NEU4: variants seen among roughly 807,000 people sequenced by gnomAD.
The protein encoded by NEU4 is neuraminidase 4, also known as sialidase-4.
NEU4 carries 7 observed loss-of-function variants against 9.9 expected under a neutral mutation model. The ratio of observed to expected loss-of-function variants is 0.71; its 90% confidence interval spans 0.40 to 1.33. NEU4 has a LOEUF of 1.33. NEU4 is among the 40% of genes most tolerant of loss of function. NEU4 has a pLI of 0.01. For synonymous variants in NEU4, 348 were observed against 316.9 expected, an observed-to-expected ratio of 1.10 and a Z score of -1.04; for missense variants, 717 against 712.6, an observed-to-expected ratio of 1.01 and a Z score of -0.07.
chr2:241,811,551 T>C, intron 1 of NEU4: 1 of 1,191,772 alleles, frequency 8.4e-7, no homozygotes, highest in Non-Finnish European at 1.1e-6. Context: ...TCTGTCCAGC[T>C]GGCCGCCCCC....
At position 241,816,506 on chromosome 2, in the gene NEU4, C is replaced by A; in HGVS notation, c.913C>A (p.Gln305Lys). The change falls in exon 4 of 4, where the codon CAG (glutamine) becomes AAG (lysine). Residue 305 changes from glutamine to lysine, a missense_variant. Coordinates refer to ENST00000407683, the MANE Select transcript of NEU4 (RefSeq NM_001167600.3). ...GTCAGTGGGCCCCGGGAGTCCCCTC[C>A]AGCCTCCACTCCTCGGTCCTGGAGT... is the stretch of plus-strand genomic sequence containing the variant. ...SWSVGPGSPLQPPLLGPGVHE... is the reference protein window; with the variant it reads ...SWSVGPGSPLKPPLLGPGVHE... 1 of 1,610,802 alleles carries A rather than the reference C, an allele frequency of 6.2e-7. No homozygotes were observed. Among genetic ancestry groups the A allele is most frequent in the Non-Finnish European group, 8.5e-7 (1 of 1,179,420 alleles).
At chr2:241,813,035 G>A (rs1035387040) in intron 1 of NEU4, among the ~76,000 whole-genome samples, 5 of 152,216 alleles carry the variant, frequency 3.3e-5, no homozygotes, top group African/African-American at 7.2e-5. Flanking sequence ...CAGAAGCCGC[G>A]CACTGGTGGT....
At position 241,816,989 on chromosome 2, in the gene NEU4, G is replaced by A. The variant is rs144038379; in HGVS notation, c.1396G>A (p.Ala466Thr). The change falls in exon 4 of 4, where the codon GCC becomes ACC. Residue 466 changes from alanine (A) to threonine (T), a missense_variant. Physicochemically the swap from Ala to Thr is moderately conservative, Grantham distance 58. Coordinates refer to ENST00000407683, the MANE Select transcript of NEU4 (RefSeq NM_001167600.3). ...SLREVLENVP[A>T]SPKPPNLGDK... ...GCGTGAGGTCCTGGAGAACGTGCCC[G>A]CCAGCCCCAAACCGCCCAACCTTGG... 55 of 1,610,008 alleles carry A rather than the reference G, an allele frequency of 3.4e-5. No individual in the cohort carries two copies. In the East Asian group the frequency reaches 4.2e-4, roughly 12 times the overall value.
At chr2:241,811,401 T>C in intron 1 of NEU4, 1 of 1,533,490 alleles carries the variant, frequency 6.5e-7, no homozygotes, top group East Asian at 2.5e-5. Context: ...CCCTTGTCTC[T>C]GCTCTGGGTC....
Position 241,814,584 on chromosome 2 carries a change from C to A in NEU4, c.100C>A (p.Pro34Thr). ...VPSLLPVPPGPTLLAFVEQRL... is the reference protein window; with the variant it reads ...VPSLLPVPPGTTLLAFVEQRL... Reference sequence around the variant, plus strand: ...CTCGCTGCTCCCCGTGCCCCCCGGGCCCACCCTGCTGGCCTTTGTGGAGCA... The same window carrying A: ...CTCGCTGCTCCCCGTGCCCCCCGGGACCACCCTGCTGGCCTTTGTGGAGCA... The change falls in exon 2 of 4, where the codon CCC (proline) becomes ACC (threonine). Residue 34 changes from proline to threonine, a missense_variant. Physicochemically the swap from Pro to Thr is conservative, Grantham distance 38. Coordinates refer to ENST00000407683, the MANE Select transcript of NEU4 (RefSeq NM_001167600.3). 6.2e-7 allele frequency: 1 copy of A among 1,612,130 alleles called. No individual in the cohort carries two copies. Among genetic ancestry groups the A allele is most frequent in the Non-Finnish European group, 8.5e-7 (1 of 1,179,724 alleles).
Position 241,814,968 on chromosome 2 carries a change from C to A in NEU4, c.278C>A (p.Ala93Asp). ...RSMNPCPVHD[A>D]GTGTVFLFFI... The stretch of plus-strand genomic sequence containing the variant: ...ATGAACCCCTGCCCTGTGCACGATG[C>A]TGGCACGGGCACCGTCTTCCTCTTC... The change falls in exon 3 of 4, where the codon GCT (alanine) becomes GAT (aspartate). Residue 93 changes from alanine (A) to aspartate (D), a missense_variant. Physicochemically the swap from Ala to Asp is moderately radical, Grantham distance 126. Coordinates refer to ENST00000407683, the MANE Select transcript of NEU4 (RefSeq NM_001167600.3). 3 of 1,611,194 alleles carry A rather than the reference C, an allele frequency of 1.9e-6. No individual in the cohort carries two copies. The highest frequency in any genetic ancestry group is 2.5e-6 in the Non-Finnish European group (3 of 1,179,780).
rs114336417 is a variant in NEU4, at chr2:241,813,286, C to T, written c.-3-1196C>T. 5 of 1,026,588 alleles carry T rather than the reference C, an allele frequency of 4.9e-6. No homozygotes were observed. The African/African-American group carries it at 6.9e-5, about 14-fold the overall frequency. The allele number at this position is 1,026,588 out of a possible 1,614,324, so 63.6% of individuals were successfully genotyped here. On this transcript the variant is annotated intron_variant, in intron 1 of 3. Coordinates refer to ENST00000407683, the MANE Select transcript of NEU4 (RefSeq NM_001167600.3). The stretch of plus-strand genomic sequence containing the variant: ...AGGCAGGCGTTCTGCCCTGGCCAGG[C>T]GTGGTGTCCGGCATCCGGCCATCTC...
rs571144220 is a variant in NEU4 at position 241,817,014 on chromosome 2, G to C, written c.1421G>C (p.Gly474Ala). 1 of 1,606,654 alleles carries C rather than the reference G, an allele frequency of 6.2e-7. No homozygotes were observed. The highest frequency in any genetic ancestry group is 2.2e-5 in the East Asian group (1 of 44,796). The change falls in exon 4 of 4, where the codon GGG becomes GCG. Residue 474 changes from glycine (G) to alanine (A), a missense_variant. By Grantham distance (60) the Gly-to-Ala change is moderately conservative. Coordinates refer to ENST00000407683, the MANE Select transcript of NEU4 (RefSeq NM_001167600.3). Reference sequence around the variant, plus strand: ...GCCAGCCCCAAACCGCCCAACCTTGGGGACAAGCCTCGGGGGTGCTGCTGG... The same window carrying C: ...GCCAGCCCCAAACCGCCCAACCTTGCGGACAAGCCTCGGGGGTGCTGCTGG... ...VPASPKPPNL[G>A]DKPRGCCWPS is the part of the protein sequence containing the mutation.
intron 1 of NEU4, among the ~76,000 whole-genome samples, chr2:241,812,273 C>T (rs1444575822): frequency 1.3e-5 from 2 of 152,084 alleles, no homozygotes; most frequent in African/African-American, 4.8e-5. Flanking sequence ...CAGGGGTCCA[C>T]GGACCAGAAG....
At chr2:241,815,858 A>C (rs1700308200) in intron 3 of NEU4, 193 bp from the exon 4 acceptor site, 2 of 630,570 alleles carry the variant, frequency 3.2e-6, no homozygotes, top group South Asian at 3.9e-5. Flanking sequence ...CTCGGCTGCT[A>C]AGGGCTGTGA....
Position 241,815,137 on chromosome 2 carries a change from T to G in NEU4, c.447T>G (p.Gly149=), listed in dbSNP as rs1156359619. The change falls in exon 3 of 4, where the codon GGT becomes GGG. Residue 149 remains glycine, a synonymous_variant. Coordinates refer to ENST00000407683, the MANE Select transcript of NEU4 (RefSeq NM_001167600.3). ...ARDLTEEAIG[G]AVQDWATFAV... ...ACCTCACCGAGGAGGCCATCGGTGG[T>G]GCCGTGCAGGGTAGGCGGGCAGGGT... 1.3e-6 allele frequency: 2 copies of G among 1,564,560 alleles called. No homozygotes were observed. The highest frequency in any genetic ancestry group is 1.7e-5 in the Admixed American group (1 of 57,778).
Position 241,816,438 on chromosome 2 carries a change from G to C in NEU4, c.845G>C (p.Gly282Ala). 1 of 1,607,930 alleles carries C rather than the reference G, an allele frequency of 6.2e-7. No individual in the cohort carries two copies. Among genetic ancestry groups the C allele is most frequent in the Non-Finnish European group, 8.5e-7 (1 of 1,178,668 alleles). ...TGGGGCTGCCAGGGCAGCATCGTGG[G>C]CTTCCCAGCCCCCGCCCCCAACAGG... ...TAWGCQGSIV[G>A]FPAPAPNRPR... Residue 282 changes from glycine (G) to alanine (A), a missense_variant, in exon 4 of 4, where the codon GGC (glycine) becomes GCC (alanine). Transcript: ENST00000407683.
chr2:241,816,274 G>T lies in NEU4; in HGVS notation c.681G>T (p.Ala227=), dbSNP rs142119752. Residue 227 remains alanine (A), a synonymous_variant, in exon 4 of 4, where the codon GCG becomes GCT. Coordinates refer to ENST00000407683, the MANE Select transcript of NEU4 (RefSeq NM_001167600.3). ...NLRSGECQLA[A]VDGGQAGSFL... ...GCTCAGGCGAGTGCCAGCTGGCAGCGGTGGACGGTGGGCAGGCCGGCAGCT... is the reference window on the plus strand; with the variant it reads ...GCTCAGGCGAGTGCCAGCTGGCAGCTGTGGACGGTGGGCAGGCCGGCAGCT... 2 of 1,586,586 alleles carry T rather than the reference G, an allele frequency of 1.3e-6. No homozygotes were observed. Among genetic ancestry groups the T allele is most frequent in the African/African-American group, 2.7e-5 (2 of 74,368 alleles).
chr2:241,811,743 G>A (rs1326865736), intron 1 of NEU4: 3 of 378,822 alleles, frequency 7.9e-6, no homozygotes, highest in Non-Finnish European at 1.4e-5. Context: ...GGTTCCTGGG[G>A]GCAGATTCAG....
chr2:241,814,586 C>T lies in NEU4; in HGVS notation c.102C>T (p.Pro34=). The change falls in exon 2 of 4, where the codon CCC becomes CCT. Residue 34 remains proline (P), a synonymous_variant. Coordinates refer to ENST00000407683, the MANE Select transcript of NEU4 (RefSeq NM_001167600.3). ...CGCTGCTCCCCGTGCCCCCCGGGCC[C>T]ACCCTGCTGGCCTTTGTGGAGCAGC... ...VPSLLPVPPG[P]TLLAFVEQRL... 1 of 1,612,110 alleles carries T rather than the reference C, an allele frequency of 6.2e-7. No individual in the cohort carries two copies. The highest frequency in any genetic ancestry group is 8.5e-7 in the Non-Finnish European group (1 of 1,179,716).
Position 241,815,001 on chromosome 2 carries a change from C to A in NEU4, c.311C>A (p.Ala104Glu). 7 of 1,607,000 alleles carry A rather than the reference C, an allele frequency of 4.4e-6. No homozygotes were observed. Among genetic ancestry groups the A allele is most frequent in the Non-Finnish European group, 5.9e-6 (7 of 1,179,294 alleles). Residue 104 changes from alanine to glutamate, a missense_variant, in exon 3 of 4, where the codon GCG becomes GAG. Ala to Glu is a moderately radical substitution (Grantham distance 107, BLOSUM62 -1). Coordinates refer to ENST00000407683, the MANE Select transcript of NEU4 (RefSeq NM_001167600.3). ...GTGTVFLFFI[A>E]VLGHTPEAVQ... Reference sequence around the variant, plus strand: ...GGCACCGTCTTCCTCTTCTTCATCGCGGTGCTGGGCCACACGCCTGAGGCC... The same window carrying A: ...GGCACCGTCTTCCTCTTCTTCATCGAGGTGCTGGGCCACACGCCTGAGGCC...
rs151184892 is a variant in NEU4 at position 241,815,008 on chromosome 2, G to A, written c.318G>A (p.Leu106=). The A allele has an allele frequency of 5.9e-5, 94 of 1,605,868 alleles. 1 individual carries two copies. The African/African-American group carries it at 1.1e-3, about 18-fold the overall frequency. The change falls in exon 3 of 4, where the codon CTG becomes CTA. Residue 106 remains leucine, a synonymous_variant. Transcript: ENST00000407683. ...TCTTCCTCTTCTTCATCGCGGTGCT[G>A]GGCCACACGCCTGAGGCCGTGCAGA... ...GTVFLFFIAV[L]GHTPEAVQIA...
Position 241,814,646 on chromosome 2 carries a change from G to C in NEU4, c.162G>C (p.Leu54=), listed in dbSNP as rs1700246790. 6.3e-7 allele frequency: 1 copy of C among 1,584,486 alleles called. No homozygotes were observed. Among genetic ancestry groups the C allele is most frequent in the East Asian group, 2.3e-5 (1 of 43,292 alleles). Residue 54 remains leucine (L), a synonymous_variant, in exon 2 of 4, where the codon CTG becomes CTC. Transcript: ENST00000407683. ...LSPDDSHAHR[L]VLRRGTLAGG... ...CTGACGACTCCCACGCCCACCGCCT[G>C]GTGCTGAGGAGGGGCACGCTGGCCG...
rs537136375 is a variant in NEU4, at chr2:241,817,386, G to A, written c.*338G>A. On this transcript the variant is annotated 3_prime_UTR_variant, in exon 4 of 4. Coordinates refer to ENST00000407683, the MANE Select transcript of NEU4 (RefSeq NM_001167600.3). ...TTGTTTACTGGCTGCTTTCTGGCTC[G>A]AAATAAAGGAATCGTGCTTGTGTCG... is the stretch of plus-strand genomic sequence containing the variant. 106 of 377,354 alleles carry A rather than the reference G, an allele frequency of 2.8e-4. 1 individual carries two copies. The South Asian group carries it at 5.5e-3, about 20-fold the overall frequency. The allele number at this position is 377,354 out of a possible 1,614,324, so 23.4% of individuals were successfully genotyped here.
Sources: gnomAD v4.1 joint callset for allele counts (sites outside exome capture counted in the v4.1 genomes callset) on GRCh38, gnomAD v4.1.1 for gene constraint, MANE v1.5 for transcripts, NCBI Gene and HGNC (gene_info 2026-07-23, HGNC 2026-07-21) for gene names.